TMEM143: variants seen among roughly 807,000 people sequenced by gnomAD.
TMEM143 encodes the protein transmembrane protein 143.
TMEM143 carries 45 observed loss-of-function variants against 40.3 expected under a neutral mutation model. The observed-to-expected ratio is 1.12, with a 90% CI of 0.88 to 1.43. The LOEUF is 1.43. Among genes scored for constraint, TMEM143 ranks in the 40% most tolerant of loss-of-function variants. The pLI, the probability that TMEM143 is intolerant of heterozygous loss-of-function variation, is 0.00. For synonymous variants in TMEM143, 299 were observed against 282.7 expected (o/e 1.06, Z -0.58); for missense variants, 620 against 613.4 (o/e 1.01, Z -0.11).
intron 3 of TMEM143, among the ~76,000 whole-genome samples, chr19:48,356,336 C>T (rs1184715208): frequency 2.0e-5 from 3 of 151,406 alleles, no homozygotes; most frequent in Admixed American, 6.6e-5. Context: ...CCATGTTGGC[C>T]GGGATGGTCT....
chr19:48,343,602 G>T, intron 4 of TMEM143, 151 bp from the exon 5 acceptor site: 1 of 1,011,290 alleles, frequency 9.9e-7, no homozygotes, highest in Non-Finnish European at 1.4e-6. Context: ...ACATATGGTT[G>T]TCCATGTCGT....
chr19:48,343,455 C>T lies in TMEM143; in HGVS notation c.565-4G>A. On this transcript the variant is annotated splice_polypyrimidine_tract_variant and splice_region_variant and intron_variant, in intron 4 of 7. Transcript: ENST00000293261. ...ACTGATCCAAATTTACTGTCACCTG[C>T]CGGGGGGATGAAGGAAGCAGTGGCG... 6.4e-7 allele frequency: 1 copy of T among 1,571,844 alleles called. No homozygotes were observed. The highest frequency in any genetic ancestry group is 8.6e-7 in the Non-Finnish European group (1 of 1,157,688).
intron 6 of TMEM143, among the ~76,000 whole-genome samples, chr19:48,338,778 G>A (rs953421472): frequency 6.6e-6 from 1 of 152,090 alleles, no homozygotes; most frequent in East Asian, 1.9e-4. Flanking sequence ...CTTGGTGCTG[G>A]GCTAAGGGGC....
At chr19:48,343,611 G>A (rs762635060) in intron 4 of TMEM143, among the ~76,000 whole-genome samples, 160 bp from the exon 5 acceptor site, 16 of 152,088 alleles carry the variant, frequency 1.1e-4, no homozygotes, top group African/African-American at 2.9e-4. Context: ...TGTCCATGTC[G>A]TATACTGCAC....
At chr19:48,352,023 G>A (rs1969784684) in intron 3 of TMEM143, among the ~76,000 whole-genome samples, 2 of 151,548 alleles carry the variant, frequency 1.3e-5, no homozygotes, top group African/African-American at 4.9e-5. Context: ...CGAGGCGGGC[G>A]GATCACGAGT....
chr19:48,361,891 TCA>T (rs1414899996), intron 2 of TMEM143, among the ~76,000 whole-genome samples: 2 of 152,208 alleles, frequency 1.3e-5, no homozygotes, highest in Non-Finnish European at 2.9e-5. Flanking sequence ...TCTCTGAGCC[TCA>T]GTTTCCTCAC....
In TMEM143 at chr19:48,333,394, A is replaced by T; in HGVS notation, c.1205T>A (p.Leu402His). 6.2e-7 allele frequency: 1 copy of T among 1,606,920 alleles called. No homozygotes were observed. The highest frequency in any genetic ancestry group is 1.1e-5 in the South Asian group (1 of 90,402). Residue 402 changes from leucine to histidine, a missense_variant, in exon 8 of 8, where the codon CTC becomes CAC. Transcript: ENST00000293261. This position sits in a 1 kb window ranked among gnomAD's most constrained non-coding sequence, Gnocchi z 4.1. ...RWLRSEVENWLLAKSGCEVTF... is the reference protein window; with the variant it reads ...RWLRSEVENWHLAKSGCEVTF... ...CACCTCACAGCCTGACTTGGCTAGG[A>T]GCCAGTTCTCCACCTCCGACCGGAG...
chr19:48,345,149 G>T lies in TMEM143; in HGVS notation c.564+11C>A. 1.9e-6 allele frequency: 3 copies of T among 1,611,870 alleles called. No individual in the cohort carries two copies. The highest frequency in any genetic ancestry group is 2.7e-5 in the African/African-American group (2 of 74,846). ...CTCCTGGGAGTTTTGTTCTCCTAGGGAGCCAAGTACCTGGACCTCATCCTG... is the reference window on the plus strand; with the variant it reads ...CTCCTGGGAGTTTTGTTCTCCTAGGTAGCCAAGTACCTGGACCTCATCCTG... On this transcript the variant is annotated intron_variant, in intron 4 of 7. Coordinates refer to ENST00000293261, the MANE Select transcript of TMEM143 (RefSeq NM_018273.4).
chr19:48,333,445 G>C lies in TMEM143; in HGVS notation c.1166-12C>G. 1 of 1,558,312 alleles carries C rather than the reference G, an allele frequency of 6.4e-7. No homozygotes were observed. The highest frequency in any genetic ancestry group is 8.7e-7 in the Non-Finnish European group (1 of 1,143,888). ...CCACCTGGAGGTCTCTGCAAGGGGA[G>C]AGGCAGGTGTTCTGAGGTCACACTG... On this transcript the variant is annotated splice_polypyrimidine_tract_variant and intron_variant, in intron 7 of 7. Transcript: ENST00000293261. This position sits in a 1 kb window ranked among gnomAD's most constrained non-coding sequence, Gnocchi z 4.1.
chr19:48,338,658 C>T lies in TMEM143; in HGVS notation c.975+3872G>A, dbSNP rs77413580. Reference sequence around the variant, plus strand: ...GCCAGCTGCCGCCTCCATTACAGACCGACTGCCTGTGTCCAGGGACCCCAC... The same window carrying T: ...GCCAGCTGCCGCCTCCATTACAGACTGACTGCCTGTGTCCAGGGACCCCAC... On this transcript the variant is annotated intron_variant, in intron 6 of 7. Coordinates refer to ENST00000293261, the MANE Select transcript of TMEM143 (RefSeq NM_018273.4). Among the ~76,000 whole-genome samples the T allele has an allele frequency of 9.2e-3, 1,397 of 152,304 alleles. 22 individuals are homozygous for T. The highest frequency in any genetic ancestry group is 0.032 in the African/African-American group (1,327 of 41,562).
At chr19:48,348,227 A>G (rs1220061215) in intron 3 of TMEM143, among the ~76,000 whole-genome samples, 2 of 152,262 alleles carry the variant, frequency 1.3e-5, no homozygotes, top group South Asian at 2.1e-4. Context: ...TCAAATGTCC[A>G]CTGTGAGCCA....
In TMEM143 at chr19:48,360,079, C is replaced by G; in HGVS notation, c.362G>C (p.Arg121Pro). 6.2e-7 allele frequency: 1 copy of G among 1,613,990 alleles called. No homozygotes were observed. Residue 121 changes from arginine to proline, a missense_variant, in exon 3 of 8, where the codon CGG becomes CCG. Transcript: ENST00000293261. Reference sequence around the variant, plus strand: ...GAAGGGCCCCGTCCTCACCTGCAGCCGGGCCAGGATTTGGTGGTAGTGGAA... The same window carrying G: ...GAAGGGCCCCGTCCTCACCTGCAGCGGGGCCAGGATTTGGTGGTAGTGGAA... ...TLFHYHQILA[R>P]LQALYDPINP...
Position 48,360,145 on chromosome 19 carries a change from G to A in TMEM143, c.296C>T (p.Ala99Val). 6.2e-6 allele frequency: 10 copies of A among 1,614,156 alleles called. No homozygotes were observed. Among genetic ancestry groups the A allele is most frequent in the Non-Finnish European group, 8.5e-6 (10 of 1,180,018 alleles). Residue 99 changes from alanine to valine, a missense_variant, in exon 3 of 8, where the codon GCT becomes GTT. By Grantham distance (64) the Ala-to-Val change is moderately conservative. Transcript: ENST00000293261. ...EFHSSPAEKA[A>V]LEAFSAHVDF... ...CACGTGGGCCGAGAACGCCTCCAAA[G>A]CCGCCTTCTCTGCCGGACTCGAGTG...
intron 6 of TMEM143, among the ~76,000 whole-genome samples, chr19:48,334,512 T>C (rs56900835): frequency 6.8e-6 from 1 of 146,330 alleles, no homozygotes; most frequent in Non-Finnish European, 1.5e-5. Flanking sequence ...TTCTTTCTTT[T>C]CTTTCTTTCT....
At position 48,345,445 on chromosome 19, in the gene TMEM143, C is replaced by CATTCATTTATTTATTT. The variant is rs1555886505; in HGVS notation, c.370-92_370-91insAAATAAATAAATGAAT. The stretch of plus-strand genomic sequence containing the variant: ...AAGGACATCCCTCTCCAGATACTTT[C>CATTCATTTATTTATTT]ATTTATTTATTTATTTATTTATTTA... On this transcript the variant is annotated intron_variant, in intron 3 of 7. Transcript: ENST00000293261. The CATTCATTTATTTATTT allele has an allele frequency of 9.6e-6, 6 of 622,164 alleles. No homozygotes were observed. In the African/African-American group the frequency reaches 1.3e-4, roughly 13 times the overall value. 38.5% of individuals were successfully genotyped at this position (622,164 alleles called of 1,614,324 possible). A position where few individuals can be genotyped will look rare whatever the true frequency, so the allele number is the denominator to read the frequency against.
At chr19:48,340,007 G>A (rs1273541840) in intron 6 of TMEM143, among the ~76,000 whole-genome samples, 1 of 151,880 alleles carries the variant, frequency 6.6e-6, no homozygotes, top group East Asian at 1.9e-4. Flanking sequence ...GGGATTACAG[G>A]TATGAGCCAC....
chr19:48,340,006 G>A (rs1344948573), intron 6 of TMEM143, among the ~76,000 whole-genome samples: 3 of 151,920 alleles, frequency 2.0e-5, no homozygotes, highest in Non-Finnish European at 4.4e-5. Flanking sequence ...TGGGATTACA[G>A]GTATGAGCCA....
At chr19:48,356,337 G>A (rs868854491) in intron 3 of TMEM143, among the ~76,000 whole-genome samples, 7 of 151,556 alleles carry the variant, frequency 4.6e-5, no homozygotes, top group African/African-American at 1.2e-4. Flanking sequence ...CATGTTGGCC[G>A]GGATGGTCTC....
At chr19:48,359,474 C>T (rs1307242209) in intron 3 of TMEM143, among the ~76,000 whole-genome samples, 2 of 150,962 alleles carry the variant, frequency 1.3e-5, no homozygotes, top group African/African-American at 2.4e-5. Flanking sequence ...TCCCCACCCA[C>T]CCCGTCTGAA....
Sources: gnomAD v4.1 joint callset for allele counts (sites outside exome capture counted in the v4.1 genomes callset) on GRCh38, gnomAD v4.1.1 for gene constraint, Gnocchi (gnomAD v3.1) non-coding constraint, MANE v1.5 for transcripts, NCBI Gene and HGNC (gene_info 2026-07-23, HGNC 2026-07-21) for gene names.